SCN8A: variants seen among roughly 807,000 people sequenced by gnomAD.
The protein encoded by SCN8A is sodium voltage-gated channel alpha subunit 8, also known as sodium channel protein type 8 subunit alpha.
Under a neutral mutation model 184.1 loss-of-function variants are expected in SCN8A, and 30 were observed. The observed-to-expected ratio is 0.16, with a 90% CI of 0.12 to 0.22. The LOEUF (loss-of-function observed/expected upper bound fraction) is 0.22. Ranked by LOEUF, SCN8A falls within the 10% of genes least tolerant of loss-of-function variation. The pLI, the probability that SCN8A is intolerant of heterozygous loss-of-function variation, is 1.00. For synonymous variants in SCN8A, 852 were observed against 907.0 expected (o/e 0.94, Z 1.09); for missense variants, 1,057 against 2,498.9 (o/e 0.42, Z 12.30).
chr12:51,720,606 A>G (rs1056588966), intron 11 of SCN8A, among the ~76,000 whole-genome samples: 15 of 152,162 alleles, frequency 9.9e-5, no homozygotes, highest in African/African-American at 3.6e-4. Flanking sequence ...AAGTATAATA[A>G]TAATAAAAGA....
At chr12:51,617,080 C>G (rs1449282349) in intron 1 of SCN8A, among the ~76,000 whole-genome samples, 1 of 152,078 alleles carries the variant, frequency 6.6e-6, no homozygotes, top group Non-Finnish European at 1.5e-5. Context: ...TGTTTTTGCA[C>G]AAGGATTTCT....
intron 21 of SCN8A, 36 bp from the exon 22 acceptor site, chr12:51,786,506 C>A (rs1469598361): frequency 6.2e-7 from 1 of 1,611,546 alleles, no homozygotes; most frequent in Non-Finnish European, 8.5e-7. Context: ...GCTCTCATTT[C>A]CACCCAACAC....
At chr12:51,760,218 C>T (rs957769585) in intron 14 of SCN8A, among the ~76,000 whole-genome samples, 3 of 152,204 alleles carry the variant, frequency 2.0e-5, no homozygotes, top group Non-Finnish European at 4.4e-5. Flanking sequence ...AAGCATATCA[C>T]AGTGCAAACA....
At position 51,697,354 on chromosome 12, in the gene SCN8A, G is replaced by T. The variant is rs140630119; in HGVS notation, c.707-2216G>T. Among the ~76,000 whole-genome samples, 834 of 152,208 alleles carry T rather than the reference G, an allele frequency of 5.5e-3. 8 individuals are homozygous for T. The highest frequency in any genetic ancestry group is 0.019 in the African/African-American group (800 of 41,524). On this transcript the variant is annotated intron_variant, in intron 6 of 26. Coordinates refer to ENST00000627620, the MANE Select transcript of SCN8A (RefSeq NM_001330260.2). Reference sequence around the variant, plus strand: ...CCCTTTTAAGATATTTGTGTAAGAGGAGAGAACTTTCTCATTCATTTACTC... The same window carrying T: ...CCCTTTTAAGATATTTGTGTAAGAGTAGAGAACTTTCTCATTCATTTACTC...
intron 2 of SCN8A, among the ~76,000 whole-genome samples, chr12:51,677,890 C>T (rs887571987): frequency 2.0e-5 from 3 of 152,200 alleles, no homozygotes; most frequent in Non-Finnish European, 4.4e-5. Context: ...AACTCATTTA[C>T]TTCACAAAGA....
intron 24 of SCN8A, 106 bp downstream of exon 24, chr12:51,789,524 C>T: frequency 7.9e-7 from 1 of 1,263,112 alleles, no homozygotes; most frequent in Non-Finnish European, 1.1e-6. Context: ...TCTCTAAAAT[C>T]TATATTGTTA....
At chr12:51,627,101 A>G (rs1269494510) in intron 1 of SCN8A, among the ~76,000 whole-genome samples, 1 of 152,126 alleles carries the variant, frequency 6.6e-6, no homozygotes, top group Admixed American at 6.6e-5. Context: ...CTGTGGGGGA[A>G]TATTAGCTTG....
chr12:51,720,071 G>A lies in SCN8A; in HGVS notation c.1636-1475G>A, dbSNP rs1284600885. On this transcript the variant is annotated intron_variant, in intron 11 of 26. Transcript: ENST00000627620. ...AGCCTGGGCGACAGAGCGAGACTCC[G>A]TCTCAAAAAAAAAAAAAAAAAAAAG... is the stretch of plus-strand genomic sequence containing the variant. Among the ~76,000 whole-genome samples the A allele has an allele frequency of 2.1e-4, 15 of 69,838 alleles. No individual in the cohort carries two copies. In the South Asian group the frequency reaches 2.6e-3, roughly 12 times the overall value. The allele number at this position is 69,838 out of a possible 152,430, so 45.8% of individuals were successfully genotyped here.
intron 13 of SCN8A, among the ~76,000 whole-genome samples, chr12:51,749,527 T>C (rs1000933666): frequency 6.6e-6 from 1 of 152,134 alleles, no homozygotes; most frequent in African/African-American, 2.4e-5. Flanking sequence ...GTCATTTTCT[T>C]TTTTGGGGGA....
At chr12:51,694,415 C>T (rs953472398) in intron 6 of SCN8A, among the ~76,000 whole-genome samples, 1 of 152,212 alleles carries the variant, frequency 6.6e-6, no homozygotes, top group Non-Finnish European at 1.5e-5. Context: ...GAATTCTTCA[C>T]CTGCTTCTTA....
chr12:51,704,745 C>A (rs1012301992), intron 9 of SCN8A, among the ~76,000 whole-genome samples: 8 of 150,452 alleles, frequency 5.3e-5, no homozygotes, highest in Non-Finnish European at 1.0e-4. Flanking sequence ...GAGGCCGAGG[C>A]GGGTGGATCA....
intron 12 of SCN8A, among the ~76,000 whole-genome samples, chr12:51,729,649 A>G (rs76364190): frequency 0.015 from 2,244 of 152,296 alleles, 49 homozygotes; most frequent in African/African-American, 0.049. Flanking sequence ...CTCTTTTAGA[A>G]CATAAACGTT....
chr12:51,660,570 G>GTA (rs1271214127), intron 1 of SCN8A, among the ~76,000 whole-genome samples: 1 of 152,158 alleles, frequency 6.6e-6, no homozygotes, highest in African/African-American at 2.4e-5. Flanking sequence ...TTCTCTAAAA[G>GTA]GTACAATTCA....
intron 11 of SCN8A, among the ~76,000 whole-genome samples, chr12:51,716,502 A>G (rs928998514): frequency 1.2e-4 from 18 of 152,234 alleles, no homozygotes; most frequent in African/African-American, 4.1e-4. Flanking sequence ...TGGAGCGTGC[A>G]CTGGAAACAG....
chr12:51,735,117 C>A (rs779645623), intron 12 of SCN8A, among the ~76,000 whole-genome samples: 1 of 152,188 alleles, frequency 6.6e-6, no homozygotes, highest in Non-Finnish European at 1.5e-5. Context: ...CCACAACGAG[C>A]CCTATCATTT....
chr12:51,697,572 C>T (rs1157695808), intron 6 of SCN8A, among the ~76,000 whole-genome samples: 1 of 152,100 alleles, frequency 6.6e-6, no homozygotes, highest in Non-Finnish European at 1.5e-5. Context: ...TGAGGTTAGC[C>T]CTGAGCAGTG....
intron 1 of SCN8A, among the ~76,000 whole-genome samples, chr12:51,595,748 C>T (rs1939333834): frequency 2.0e-5 from 3 of 152,110 alleles, no homozygotes; most frequent in Admixed American, 2.0e-4. Flanking sequence ...GATTTAGCAG[C>T]TTAATGTGTA....
chr12:51,760,811 A>T (rs148884790), intron 14 of SCN8A, among the ~76,000 whole-genome samples: 182 of 152,292 alleles, frequency 1.2e-3, no homozygotes, highest in African/African-American at 4.2e-3. Context: ...ATCTAGAAAC[A>T]TGAGGAACTA....
chr12:51,656,868 G>T (rs1395946532), intron 1 of SCN8A, among the ~76,000 whole-genome samples: 2 of 152,052 alleles, frequency 1.3e-5, no homozygotes, highest in Non-Finnish European at 2.9e-5. Flanking sequence ...TGTTGGCAAG[G>T]ATATGGAGAA....
Sources: allele counts gnomAD v4.1 joint callset (sites outside exome capture counted in the v4.1 genomes callset), GRCh38; gene constraint gnomAD v4.1.1; transcripts MANE v1.5; gene names NCBI Gene and HGNC (gene_info 2026-07-23, HGNC 2026-07-21).